The following PM20D2 variants were observed in gnomAD, a reference collection of about 807,000 sequenced individuals.
The protein encoded by PM20D2 is xaa-Arg dipeptidase.
A neutral mutation model predicts 42.9 loss-of-function variants in PM20D2; 33 were observed. The observed-to-expected ratio is 0.77, with a 90% CI of 0.58 to 1.03. The LOEUF (loss-of-function observed/expected upper bound fraction) is 1.03. Among genes scored for constraint, PM20D2 ranks in the 50% least tolerant of loss-of-function variants. The pLI is 0.00. For synonymous variants in PM20D2, 250 were observed against 228.2 expected (o/e 1.10, Z -0.86); for missense variants, 548 against 557.0 (o/e 0.98, Z 0.16).
the PM20D2 span, chr6:89,096,126 G>A: frequency 1.6e-4 from 25 of 152,156 alleles, no homozygotes; most frequent in African/African-American, 4.1e-4. Context: ...CATTTTCATC[G>A]AAGCCTACAG....
At chr6:89,096,113 A>C in the PM20D2 span, 1 of 152,208 alleles carries the variant, frequency 6.6e-6, no homozygotes, top group Admixed American at 6.5e-5. Context: ...TAGTCACAAA[A>C]GTCATTTTCA....
At chr6:89,151,464 G>C (rs953689539) in intron 2 of PM20D2, among the ~76,000 whole-genome samples, 1 of 152,058 alleles carries the variant, frequency 6.6e-6, no homozygotes, top group Non-Finnish European at 1.5e-5. Flanking sequence ...CTGACCTCAA[G>C]TGATCCACCC....
chr6:89,142,949 C>T (rs774231930), upstream of PM20D2, among the ~76,000 whole-genome samples: 31 of 152,166 alleles, frequency 2.0e-4, no homozygotes, highest in African/African-American at 5.6e-4. Context: ...TGCGCCACCG[C>T]GCCCGGCCCC....
At chr6:89,140,746 A>G in the PM20D2 span, among the ~76,000 whole-genome samples, 1 of 152,184 alleles carries the variant, frequency 6.6e-6, no homozygotes, top group Non-Finnish European at 1.5e-5. Context: ...ATAGTGATGG[A>G]GAACAGAGCA....
chr6:89,117,749 TCGGC>T, the PM20D2 span: 1 of 1,426,594 alleles, frequency 7.0e-7, no homozygotes, highest in Non-Finnish European at 9.3e-7. Flanking sequence ...CCGCCGGGCC[TCGGC>T]CGTGCTCCGC....
the PM20D2 span, among the ~76,000 whole-genome samples, chr6:89,116,544 C>G: frequency 6.6e-6 from 1 of 152,010 alleles, no homozygotes; most frequent in East Asian, 1.9e-4. Flanking sequence ...GGAGGCCGAG[C>G]TGGGCGGATC....
chr6:89,107,460 T>G, the PM20D2 span, among the ~76,000 whole-genome samples: 1 of 152,298 alleles, frequency 6.6e-6, no homozygotes, highest in African/African-American at 2.4e-5. Flanking sequence ...CCAGGTGTGG[T>G]GGCTCACACC....
chr6:89,113,605 G>C, the PM20D2 span, among the ~76,000 whole-genome samples: 1 of 152,100 alleles, frequency 6.6e-6, no homozygotes, highest in African/African-American at 2.4e-5. Flanking sequence ...CACCGTGCCA[G>C]GCCCCAAAGA....
At chr6:89,128,699 G>A in the PM20D2 span, among the ~76,000 whole-genome samples, 1 of 152,170 alleles carries the variant, frequency 6.6e-6, no homozygotes, top group Non-Finnish European at 1.5e-5. Context: ...AGGCTCAGGT[G>A]GGCATCATGG....
chr6:89,102,957 G>T, the PM20D2 span, among the ~76,000 whole-genome samples: 4 of 152,072 alleles, frequency 2.6e-5, no homozygotes, highest in Admixed American at 1.3e-4. Context: ...AGACATGGGG[G>T]TCTCACTATG....
upstream of PM20D2, chr6:89,145,985 C>A (rs1582327225): frequency 1.8e-6 from 1 of 549,150 alleles, no homozygotes; most frequent in Non-Finnish European, 2.8e-6. Context: ...CGCGCGGCGC[C>A]GGGGGCGGCC....
At chr6:89,132,144 A>G in the PM20D2 span, among the ~76,000 whole-genome samples, 15 of 152,296 alleles carry the variant, frequency 9.8e-5, 2 homozygotes, top group Admixed American at 3.9e-4. Flanking sequence ...AAAGAACCTA[A>G]TGAAGACAGA....
the PM20D2 span, among the ~76,000 whole-genome samples, chr6:89,099,486 G>A: frequency 7.4e-6 from 1 of 135,164 alleles, no homozygotes; most frequent in Non-Finnish European, 1.5e-5. Context: ...ATATATGTGT[G>A]TGTATATATA....
the PM20D2 span, chr6:89,107,052 T>C: frequency 3.5e-6 from 4 of 1,157,684 alleles, no homozygotes; most frequent in Non-Finnish European, 5.1e-6. Flanking sequence ...TAAACACATT[T>C]AATTAGGCAA....
the PM20D2 span, among the ~76,000 whole-genome samples, chr6:89,107,665 G>C: frequency 6.6e-6 from 1 of 152,080 alleles, no homozygotes; most frequent in East Asian, 1.9e-4. Flanking sequence ...AGCATGGGGA[G>C]GTTGAGGCTG....
chr6:89,114,999 T>C, the PM20D2 span, among the ~76,000 whole-genome samples: 1 of 152,170 alleles, frequency 6.6e-6, no homozygotes, highest in Non-Finnish European at 1.5e-5. Context: ...TGTTTTACCA[T>C]GTTGGCCAGG....
At chr6:89,141,392 G>C (rs144431838), upstream of PM20D2, among the ~76,000 whole-genome samples, 78 of 152,256 alleles carry the variant, frequency 5.1e-4, 1 homozygote, top group African/African-American at 1.8e-3. Flanking sequence ...TAAAGACAGA[G>C]TCTCACTCTG....
the PM20D2 span, chr6:89,106,940 G>A: frequency 1.9e-5 from 11 of 587,242 alleles, no homozygotes; most frequent in Admixed American, 6.5e-5. Flanking sequence ...CTTTTGTCTC[G>A]CCTGCTGGGT....
the PM20D2 span, among the ~76,000 whole-genome samples, chr6:89,139,769 G>A: frequency 6.6e-6 from 1 of 152,148 alleles, no homozygotes; most frequent in Non-Finnish European, 1.5e-5. Context: ...GGTATATATA[G>A]GCAGGAAAGG....
Sources: allele counts gnomAD v4.1 joint callset (sites outside exome capture counted in the v4.1 genomes callset), GRCh38; gene constraint gnomAD v4.1.1; transcripts MANE v1.5; gene names NCBI Gene and HGNC (gene_info 2026-07-23, HGNC 2026-07-21).